The following GRIN2D variants were observed in gnomAD, a reference collection of about 807,000 sequenced individuals.
GRIN2D encodes the protein glutamate receptor ionotropic, NMDA 2D.
A neutral mutation model predicts 103.2 loss-of-function variants in GRIN2D; 37 were observed. The ratio of observed to expected loss-of-function variants is 0.36; its 90% CI spans 0.28 to 0.47. The LOEUF (loss-of-function observed/expected upper bound fraction) is 0.47. Ranked by LOEUF, GRIN2D falls within the 20% of genes least tolerant of loss-of-function variation. The probability of loss-of-function intolerance (pLI) is 1.00; values close to 1 mark genes in which losing one functional copy is unlikely to be tolerated. For missense variants in GRIN2D, 1,557 were observed against 1,910.6 expected, an observed-to-expected ratio of 0.81 and a Z score of 3.45; for synonymous variants, 845 against 885.6, an observed-to-expected ratio of 0.95 and a Z score of 0.81.
At chr19:48,411,394 G>A (rs970240686) in intron 4 of GRIN2D, among the ~76,000 whole-genome samples, 3 of 151,606 alleles carry the variant, frequency 2.0e-5, no homozygotes, top group African/African-American at 4.9e-5. Flanking sequence ...GCTCACGCCT[G>A]TAATCCCAGA....
intron 11 of GRIN2D, among the ~76,000 whole-genome samples, chr19:48,428,520 GC>G (rs755075411): frequency 1.3e-5 from 2 of 151,834 alleles, no homozygotes; most frequent in Non-Finnish European, 2.9e-5. Context: ...GTGCCACCAA[GC>G]CCCGCTAATT....
chr19:48,415,937 CGTCCGT>C, intron 7 of GRIN2D, 59 bp from the exon 8 acceptor site: 1 of 1,462,052 alleles, frequency 6.8e-7, no homozygotes, highest in Non-Finnish European at 9.5e-7. Flanking sequence ...CTCTGCTCGC[CGTCCGT>C]GTCAGTCTGT....
intron 3 of GRIN2D, among the ~76,000 whole-genome samples, chr19:48,404,207 T>G (rs961012189): frequency 2.9e-5 from 4 of 139,726 alleles, no homozygotes; most frequent in African/African-American, 1.1e-4. Context: ...GCCATTGCAC[T>G]CCAGTCTGGG....
At chr19:48,428,825 A>G (rs1354543139) in intron 11 of GRIN2D, among the ~76,000 whole-genome samples, 5 of 152,180 alleles carry the variant, frequency 3.3e-5, no homozygotes, top group African/African-American at 1.2e-4. Context: ...GTGAGGGAAC[A>G]CAACTAAACC....
At chr19:48,420,582 T>C (rs964523538) in intron 10 of GRIN2D, among the ~76,000 whole-genome samples, 1 of 151,914 alleles carries the variant, frequency 6.6e-6, no homozygotes, top group Non-Finnish European at 1.5e-5. Context: ...TCCCAGCACT[T>C]TGGGAGGCCG....
intron 3 of GRIN2D, among the ~76,000 whole-genome samples, chr19:48,399,153 T>A (rs1193511823): frequency 1.3e-5 from 2 of 150,944 alleles, no homozygotes; most frequent in Non-Finnish European, 3.0e-5. Context: ...CAGGTAAGGG[T>A]CTGTAGTAAA....
In GRIN2D at chr19:48,442,781, C is replaced by G. The variant is rs1600997539; in HGVS notation, c.2855C>G (p.Pro952Arg). Residue 952 changes from proline (P) to arginine (R), a missense_variant, in exon 14 of 14, where the codon CCG becomes CGG. By Grantham distance (103) the Pro-to-Arg change is moderately radical (BLOSUM62 -2). This residue lies in a region of GRIN2D where 632 missense variants were observed against 572.8 expected (regional missense o/e 1.10). Transcript: ENST00000263269. The surrounding 1 kb of genome is among the most constrained non-coding windows in gnomAD (Gnocchi z 7.2). ...RWRRTKGAGP[P>R]GGAGLADGFH... ...CGCCGGACCAAGGGCGCGGGGCCGC[C>G]GGGGGGCGCGGGCCTGGCCGACGGC... The G allele has an allele frequency of 1.0e-5, 11 of 1,068,224 alleles. No homozygotes were observed. The East Asian group carries it at 7.7e-4, about 75-fold the overall frequency. 66.2% of individuals were successfully genotyped at this position (1,068,224 alleles called of 1,614,324 possible).
chr19:48,407,830 T>C (rs1024450527), intron 4 of GRIN2D, among the ~76,000 whole-genome samples: 4 of 152,074 alleles, frequency 2.6e-5, no homozygotes, highest in Non-Finnish European at 5.9e-5. Flanking sequence ...AAGAAATGCA[T>C]AGGGGGCTAT....
chr19:48,404,165 G>T (rs566102188), intron 3 of GRIN2D, among the ~76,000 whole-genome samples: 1 of 151,844 alleles, frequency 6.6e-6, no homozygotes, highest in South Asian at 2.1e-4. Context: ...GCTTGAACCC[G>T]GGAGGCGGAT....
chr19:48,415,939 T>A, intron 7 of GRIN2D, 63 bp from the exon 8 acceptor site: 2 of 1,476,552 alleles, frequency 1.4e-6, no homozygotes, highest in South Asian at 2.3e-5. Context: ...CTGCTCGCCG[T>A]CCGTGTCAGT....
At chr19:48,409,364 C>T (rs1191843214) in intron 4 of GRIN2D, among the ~76,000 whole-genome samples, 2 of 150,150 alleles carry the variant, frequency 1.3e-5, no homozygotes, top group Non-Finnish European at 3.0e-5. Flanking sequence ...TTGCAACCTC[C>T]ACCTCCTGGA....
intron 8 of GRIN2D, among the ~76,000 whole-genome samples, chr19:48,417,404 C>T (rs1224905411): frequency 6.6e-6 from 1 of 152,056 alleles, no homozygotes; most frequent in Non-Finnish European, 1.5e-5. Flanking sequence ...GGGCTGGTGG[C>T]TTTGAGATGG....
chr19:48,414,192 G>C lies in GRIN2D; in HGVS notation c.1200+87G>C. Reference sequence around the variant, plus strand: ...GGGGGGGCTTGAGGTCGTGGACTAAGAGGGAGGAGGGGACAAGGAGCCTGG... The same window carrying C: ...GGGGGGGCTTGAGGTCGTGGACTAACAGGGAGGAGGGGACAAGGAGCCTGG... On this transcript the variant is annotated intron_variant, in intron 5 of 13. Coordinates refer to ENST00000263269, the MANE Select transcript of GRIN2D (RefSeq NM_000836.4). This position sits in a 1 kb window ranked among gnomAD's most constrained non-coding sequence, Gnocchi z 4.6. The C allele has an allele frequency of 1.1e-6, 1 of 929,996 alleles. No individual in the cohort carries two copies. The highest frequency in any genetic ancestry group is 1.7e-6 in the Non-Finnish European group (1 of 580,606). The allele number at this position is 929,996 out of a possible 1,614,324, so 57.6% of individuals were successfully genotyped here. A position where few individuals can be genotyped will look rare whatever the true frequency, so the allele number is the denominator to read the frequency against.
rs560709897 is a variant in GRIN2D at position 48,415,357 on chromosome 19, G to A, written c.1581+325G>A. 1.1e-3 allele frequency among the ~76,000 whole-genome samples: 168 copies of A among 151,824 alleles called. 2 individuals carry two copies. The highest frequency in any genetic ancestry group is 3.5e-3 in the African/African-American group (144 of 41,372). On this transcript the variant is annotated intron_variant, in intron 7 of 13. Transcript: ENST00000263269. ...CTGCACTCCAGCCTGGGCACAGAGT[G>A]AGACTCAGTCTCAAAAAATAATAAT...
At chr19:48,430,883 G>A (rs989474328) in intron 11 of GRIN2D, among the ~76,000 whole-genome samples, 6 of 147,542 alleles carry the variant, frequency 4.1e-5, no homozygotes, top group Non-Finnish European at 5.9e-5. Flanking sequence ...ACAGTGGCAC[G>A]ATCTTGGCTC....
intron 8 of GRIN2D, 150 bp downstream of exon 8, chr19:48,416,305 C>T (rs1970948927): frequency 1.6e-6 from 1 of 628,534 alleles, no homozygotes; most frequent in African/African-American, 1.8e-5. Context: ...CATTTCTGAA[C>T]CTCAGTTTCC....
rs148005714 is a variant in GRIN2D, at chr19:48,437,282, G to A, written c.2253-4487G>A. On this transcript the variant is annotated intron_variant, in intron 11 of 13. Coordinates refer to ENST00000263269, the MANE Select transcript of GRIN2D (RefSeq NM_000836.4). ...ATGACAGGCATGCACCACCAAACCC[G>A]GCTAATTTTTAAAGTTTTTGTAGAG... Among the ~76,000 whole-genome samples, 599 of 152,064 alleles carry A rather than the reference G, an allele frequency of 3.9e-3. 5 individuals carry two copies. Among genetic ancestry groups the A allele is most frequent in the African/African-American group, 0.013 (541 of 41,464 alleles).
Position 48,409,402 on chromosome 19 carries a change from C to T in GRIN2D, c.1085+4049C>T, listed in dbSNP as rs138383879. ...CAAGCGATTCTCCTGCCTCAGCCTC[C>T]GAGTAGCTGGGACCACAGGTGCCTG... is the stretch of plus-strand genomic sequence containing the variant. On this transcript the variant is annotated intron_variant, in intron 4 of 13. Transcript: ENST00000263269. Among the ~76,000 whole-genome samples, 417 of 151,472 alleles carry T rather than the reference C, an allele frequency of 2.8e-3. 5 individuals are homozygous for T. Among genetic ancestry groups the T allele is most frequent in the African/African-American group, 9.5e-3 (391 of 41,238 alleles).
intron 8 of GRIN2D, among the ~76,000 whole-genome samples, chr19:48,418,933 A>G (rs1488355764): frequency 6.6e-6 from 1 of 152,076 alleles, no homozygotes; most frequent in Non-Finnish European, 1.5e-5. Context: ...GGTGTGCCAT[A>G]AGACTATCTT....
Sources: gnomAD v4.1 joint callset for allele counts (sites outside exome capture counted in the v4.1 genomes callset) on GRCh38, gnomAD v4.1.1 for gene constraint, gnomAD v4.1.1 regional missense constraint, Gnocchi (gnomAD v3.1) non-coding constraint, MANE v1.5 for transcripts, NCBI Gene and HGNC (gene_info 2026-07-23, HGNC 2026-07-21) for gene names.